TTN: variants seen among roughly 807,000 people sequenced by gnomAD.
The protein encoded by TTN is titin.
Under a neutral mutation model 3,223.0 loss-of-function variants are expected in TTN, and 1,525 were observed. That is an observed-to-expected ratio of 0.47 (90% confidence interval 0.45 to 0.49). The LOEUF is 0.49. Among genes scored for constraint, TTN ranks in the 20% least tolerant of loss-of-function variants. TTN has a pLI of 0.00. For synonymous variants in TTN, 14,094 were observed against 15,161.0 expected, an observed-to-expected ratio of 0.93 and a Z score of 5.17; for missense variants, 40,786 against 43,424.0, an observed-to-expected ratio of 0.94 and a Z score of 5.40.
At chr2:178,668,196 A>C (rs1477392906) in intron 159 of TTN, among the ~76,000 whole-genome samples, 4 of 152,170 alleles carry the variant, frequency 2.6e-5, no homozygotes, top group Admixed American at 2.0e-4. Context: ...TGAATGTAAA[A>C]GCCATTTAGG....
chr2:178,756,905 A>C (rs1434149815), intron 45 of TTN, 108 bp from the exon 46 acceptor site: 16 of 1,007,452 alleles, frequency 1.6e-5, no homozygotes, highest in South Asian at 4.9e-5. Flanking sequence ...TGAAAGACGT[A>C]GTTGTCACTT....
rs780498147 is a variant in TTN, at chr2:178,576,491, C to T, written c.69715+38G>A. The T allele has an allele frequency of 3.4e-5, 54 of 1,600,710 alleles. No homozygotes were observed. The highest frequency in any genetic ancestry group is 4.5e-5 in the Non-Finnish European group (53 of 1,176,702). ...GGGTAATTTAGATAAAATATTGGCA[C>T]TCTGGAATGAACGGTGTTGAAAAAG... is the stretch of plus-strand genomic sequence containing the variant. On this transcript the variant is annotated intron_variant, in intron 325 of 362. Coordinates refer to ENST00000589042, the MANE Select transcript of TTN (RefSeq NM_001267550.2). This position sits in a 1 kb window ranked among gnomAD's most constrained non-coding sequence, Gnocchi z 4.3.
Position 178,723,181 on chromosome 2 carries a change from A to C in TTN, c.21826T>G (p.Cys7276Gly). ...DGFNITTSEK[C>G]NIVTTEKTCI... ...GTTTTCTCTGTTGTGACTATGTTAC[A>C]TTTTTCAGAGGTAGTTATGTTAAAA... The change falls in exon 75 of 363, where the codon TGT becomes GGT. Residue 7276 changes from cysteine to glycine, a missense_variant. By Grantham distance (159) the Cys-to-Gly change is radical (BLOSUM62 -3). Coordinates refer to ENST00000589042, the MANE Select transcript of TTN (RefSeq NM_001267550.2). 6.2e-7 allele frequency: 1 copy of C among 1,613,448 alleles called. No homozygotes were observed. Among genetic ancestry groups the C allele is most frequent in the East Asian group, 2.2e-5 (1 of 44,842 alleles).
chr2:178,557,071 G>C lies in TTN; in HGVS notation c.88083C>G (p.Phe29361Leu). The change falls in exon 330 of 363, where the codon TTC becomes TTG. Residue 29361 changes from phenylalanine to leucine, a missense_variant. Physicochemically the swap from Phe to Leu is conservative, Grantham distance 22 (BLOSUM62 0). Transcript: ENST00000589042. ...AGCCTGTAATCTTGCTACCTCCATC[G>C]AAAGCTGGTTGTTGCCATGAAAGGC... Reference protein sequence around the residue: ...SVSLSWQQPAFDGGSKITGYI... With the variant: ...SVSLSWQQPALDGGSKITGYI... The C allele has an allele frequency of 6.2e-7, 1 of 1,613,664 alleles. No individual in the cohort carries two copies. Among genetic ancestry groups the C allele is most frequent in the Non-Finnish European group, 8.5e-7 (1 of 1,179,786 alleles).
rs757998091 is a variant in TTN, at chr2:178,665,329, C to T, written c.36043+48G>A. 4.0e-6 allele frequency: 6 copies of T among 1,506,060 alleles called. No homozygotes were observed. In the Admixed American group the frequency reaches 1.0e-4, roughly 25 times the overall value. The allele number at this position is 1,506,060 out of a possible 1,614,324, so 93.3% of individuals were successfully genotyped here. ...TAGGAAGAAACCATAGTTTTAAGAG[C>T]AGAGGACAGATAATTTCTTCTTCCA... On this transcript the variant is annotated intron_variant, in intron 165 of 362. Transcript: ENST00000589042.
Position 178,720,460 on chromosome 2 carries a change from C to T in TTN, c.23302G>A (p.Asp7768Asn), listed in dbSNP as rs72648973. The T allele has an allele frequency of 1.3e-3, 2,057 of 1,613,640 alleles. 3 individuals carry two copies. The highest frequency in any genetic ancestry group is 1.6e-3 in the Non-Finnish European group (1,922 of 1,179,666). ...GCTTTGCAGTGATATTCCCCGACAT[C>T]GGAGGCTTCAAGATTAAGGATATGA... is the stretch of plus-strand genomic sequence containing the variant. ...SLHILNLEAS[D>N]VGEYHCKATN... Residue 7768 changes from aspartate (D) to asparagine (N), a missense_variant, in exon 80 of 363, where the codon GAT becomes AAT. Coordinates refer to ENST00000589042, the MANE Select transcript of TTN (RefSeq NM_001267550.2).
intron 47 of TTN, chr2:178,750,361 A>G (rs2085098178): frequency 6.2e-7 from 1 of 1,613,254 alleles, no homozygotes; most frequent in Non-Finnish European, 8.5e-7. Flanking sequence ...CACAAGTAAT[A>G]GAACCTTCAT....
intron 295 of TTN, among the ~76,000 whole-genome samples, chr2:178,595,030 G>A (rs986399605): frequency 2.6e-5 from 4 of 152,082 alleles, no homozygotes; most frequent in African/African-American, 4.8e-5. Flanking sequence ...CAGCACTTTC[G>A]GAGGCCGAGG....
intron 43 of TTN, among the ~76,000 whole-genome samples, chr2:178,762,186 AT>A (rs1211506713): frequency 6.6e-6 from 1 of 152,146 alleles, no homozygotes; most frequent in Non-Finnish European, 1.5e-5. Context: ...TTCTGTAAAT[AT>A]TTTTAGTCCC....
Position 178,611,605 on chromosome 2 carries a change from G to A in TTN, c.50624C>T (p.Pro16875Leu), listed in dbSNP as rs776726020. 1 of 1,613,006 alleles carries A rather than the reference G, an allele frequency of 6.2e-7. No homozygotes were observed. The highest frequency in any genetic ancestry group is 1.1e-5 in the South Asian group (1 of 91,058). The change falls in exon 269 of 363, where the codon CCT becomes CTT. Residue 16875 changes from proline (P) to leucine (L), a missense_variant. By Grantham distance (98) the Pro-to-Leu change is moderately conservative. Coordinates refer to ENST00000589042, the MANE Select transcript of TTN (RefSeq NM_001267550.2). ...GRKHIAIAWK[P>L]PEKNGGSPII... ...AGGACTTCCACCATTTTTCTCTGGA[G>A]GCTTCCAAGCAATGGCAATGTGTTT... is the stretch of plus-strand genomic sequence containing the variant.
Position 178,538,444 on chromosome 2 carries a change from A to G in TTN, c.99289+96T>C, listed in dbSNP as rs574606549. The G allele has an allele frequency of 8.1e-4, 1,007 of 1,243,086 alleles. 1 individual carries two copies. The highest frequency in any genetic ancestry group is 9.9e-4 in the Non-Finnish European group (913 of 919,656). The allele number at this position is 1,243,086 out of a possible 1,614,324, so 77.0% of individuals were successfully genotyped here. A position where few individuals can be genotyped will look rare whatever the true frequency, so the allele number is the denominator to read the frequency against. ...TTTTCTTTCTTAACACTTGCTCTCC[A>G]ATAAAGCTTTCCAGGGTTCTACTTA... On this transcript the variant is annotated intron_variant, in intron 354 of 362. Transcript: ENST00000589042.
rs1486348323 is a variant in TTN, at chr2:178,558,183, T to C, written c.87171A>G (p.Arg29057=). ...KNFPSHTVYV[R]AGSNLKVDIP... ...TGTCAACTTTAAGGTTTGAACCAGC[T>C]CTAACATATACAGTGTGACTTGGGA... The change falls in exon 328 of 363, where the codon AGA becomes AGG. Residue 29057 remains arginine, a synonymous_variant. Transcript: ENST00000589042. The C allele has an allele frequency of 1.2e-6, 2 of 1,613,722 alleles. No homozygotes were observed. Among genetic ancestry groups the C allele is most frequent in the Middle Eastern group, 1.7e-4 (1 of 6,056 alleles).
intron 250 of TTN, 32 bp downstream of exon 250, chr2:178,619,589 T>C: frequency 6.2e-7 from 1 of 1,600,620 alleles, no homozygotes; most frequent in Non-Finnish European, 8.5e-7. Context: ...CTCTGTGATA[T>C]TGGAAGGATA....
At chr2:178,713,734 G>T in intron 92 of TTN, 163 bp downstream of exon 92, 4 of 991,286 alleles carry the variant, frequency 4.0e-6, no homozygotes, top group Non-Finnish European at 4.3e-6. Context: ...TTTGAACATG[G>T]TTTTCTTCTA....
At chr2:178,710,963 C>T (rs1448978681) in intron 97 of TTN, 41 bp from the exon 98 acceptor site, 1 of 1,583,030 alleles carries the variant, frequency 6.3e-7, no homozygotes, top group African/African-American at 1.4e-5. Flanking sequence ...GGCTCAATAT[C>T]TGGACCATGT....
intron 152 of TTN, among the ~76,000 whole-genome samples, 187 bp from the exon 153 acceptor site, chr2:178,672,890 A>G (rs1263536807): frequency 6.6e-6 from 1 of 151,894 alleles, no homozygotes; most frequent in African/African-American, 2.4e-5. Flanking sequence ...TAACATTCCT[A>G]TAGAAGAAGA....
chr2:178,765,541 G>A, intron 41 of TTN, among the ~76,000 whole-genome samples: 1 of 152,144 alleles, frequency 6.6e-6, no homozygotes, highest in African/African-American at 2.4e-5. Flanking sequence ...TACTAATACA[G>A]AGATAATAAG....
At chr2:178,690,112 T>C (rs889565823) in intron 121 of TTN, among the ~76,000 whole-genome samples, 2 of 152,178 alleles carry the variant, frequency 1.3e-5, no homozygotes, top group Admixed American at 6.5e-5. Context: ...TAGGCAAAAA[T>C]GAGTTATGTA....
In TTN at chr2:178,599,048, G is replaced by T; in HGVS notation, c.56662C>A (p.Pro18888Thr). Residue 18888 changes from proline to threonine, a missense_variant, in exon 291 of 363, where the codon CCA (proline) becomes ACA (threonine). Coordinates refer to ENST00000589042, the MANE Select transcript of TTN (RefSeq NM_001267550.2). ...ACGCTGCTAACTGTTGGTTTATCTG[G>T]TGCTCCAGGGACAGCTGTGAAAAAG... ...ARNLFSVPGA[P>T]DKPTVSSVTR... The T allele has an allele frequency of 6.4e-7, 1 of 1,562,270 alleles. No individual in the cohort carries two copies.
Sources: gnomAD v4.1 joint callset for allele counts (sites outside exome capture counted in the v4.1 genomes callset) on GRCh38, gnomAD v4.1.1 for gene constraint, Gnocchi (gnomAD v3.1) non-coding constraint, MANE v1.5 for transcripts, NCBI Gene and HGNC (gene_info 2026-07-23, HGNC 2026-07-21) for gene names.